MYO16: variants seen among roughly 807,000 people sequenced by gnomAD.
MYO16 encodes the protein unconventional myosin-XVI.
In MYO16, 94 loss-of-function variants were observed where a neutral mutation model predicts 205.3. That is an observed-to-expected ratio of 0.46 (90% CI 0.39 to 0.54). The LOEUF is 0.54. Ranked by LOEUF, MYO16 falls within the 20% of genes least tolerant of loss-of-function variation. MYO16 has a pLI of 0.00. For missense variants in MYO16, 2,315 were observed against 2,387.5 expected (o/e 0.97, Z 0.63); for synonymous variants, 988 against 954.0 (o/e 1.04, Z -0.66).
intron 7 of MYO16, among the ~76,000 whole-genome samples, chr13:108,816,800 C>A (rs1380513311): frequency 6.6e-6 from 1 of 152,180 alleles, no homozygotes; most frequent in Non-Finnish European, 1.5e-5. Flanking sequence ...CTTGGTCTCT[C>A]CAGTCGCTGA....
At chr13:108,659,317 C>A (rs149670466) in intron 1 of MYO16, 1 of 285,246 alleles carries the variant, frequency 3.5e-6, no homozygotes, top group South Asian at 3.6e-5. Flanking sequence ...ATATATAATA[C>A]ACATATATAC....
chr13:108,953,144 T>C (rs1566429619), intron 16 of MYO16, among the ~76,000 whole-genome samples: 1 of 152,228 alleles, frequency 6.6e-6, no homozygotes, highest in Non-Finnish European at 1.5e-5. Flanking sequence ...TCAATGATTG[T>C]CAACTTTCAG....
intron 20 of MYO16, among the ~76,000 whole-genome samples, chr13:108,986,716 T>C (rs1884650615): frequency 6.6e-6 from 1 of 152,060 alleles, no homozygotes; most frequent in South Asian, 2.1e-4. Context: ...GATCTGTTAT[T>C]ATGTATACTC....
intron 27 of MYO16, among the ~76,000 whole-genome samples, chr13:109,080,789 C>T (rs66715413): frequency 0.067 from 10,179 of 152,124 alleles, 387 homozygotes; most frequent in Non-Finnish European, 0.084. Flanking sequence ...TTAAAAATTA[C>T]CTTTCACTTA....
At chr13:108,658,163 T>C (rs1326030918) in intron 1 of MYO16, among the ~76,000 whole-genome samples, 1 of 152,180 alleles carries the variant, frequency 6.6e-6, no homozygotes, top group South Asian at 2.1e-4. Context: ...ATCTCTGCCT[T>C]AAAGACAGGT....
At position 108,692,272 on chromosome 13, in the gene MYO16, AC is replaced by A. The variant is rs1181079521; in HGVS notation, c.293-20388del. 2.0e-5 allele frequency among the ~76,000 whole-genome samples: 3 copies of A among 152,232 alleles called. No homozygotes were observed. The East Asian group carries it at 5.8e-4, about 29-fold the overall frequency. ...TTCTATTTCCTTGATTTTTCATGAA[AC>A]AGAAATGTCCTCAGCACTTTTGAAA... On this transcript the variant is annotated intron_variant, in intron 2 of 34. Transcript: ENST00000457511.
intron 16 of MYO16, among the ~76,000 whole-genome samples, chr13:108,955,397 C>G (rs935282510): frequency 6.6e-6 from 1 of 152,156 alleles, no homozygotes; most frequent in Non-Finnish European, 1.5e-5. Context: ...GATTGTTCTT[C>G]CACCATCAGC....
At chr13:109,063,398 A>G (rs1487699126) in intron 27 of MYO16, among the ~76,000 whole-genome samples, 1 of 152,212 alleles carries the variant, frequency 6.6e-6, no homozygotes, top group Non-Finnish European at 1.5e-5. Context: ...AGGAGGAACA[A>G]TAAAAGAAGC....
At chr13:109,102,530 GAGAT>G (rs1889005171) in intron 28 of MYO16, among the ~76,000 whole-genome samples, 2 of 151,952 alleles carry the variant, frequency 1.3e-5, no homozygotes, top group African/African-American at 2.4e-5. Flanking sequence ...ATATATCTGT[GAGAT>G]AGATGTATGT....
At chr13:109,114,433 G>T (rs762095504) in intron 28 of MYO16, among the ~76,000 whole-genome samples, 47 of 152,146 alleles carry the variant, frequency 3.1e-4, no homozygotes, top group Non-Finnish European at 5.6e-4. Flanking sequence ...CTTATCTCTG[G>T]CACTAACTTT....
chr13:108,929,646 T>C (rs868107877), intron 16 of MYO16, among the ~76,000 whole-genome samples: 5 of 152,176 alleles, frequency 3.3e-5, no homozygotes, highest in Admixed American at 6.5e-5. Context: ...TTCTGGAACC[T>C]AGTGGGTGGA....
At chr13:108,645,372 T>A (rs573560234) in intron 1 of MYO16, among the ~76,000 whole-genome samples, 4 of 152,320 alleles carry the variant, frequency 2.6e-5, no homozygotes, top group African/African-American at 9.6e-5. Context: ...CCCCAGTGTC[T>A]ACGATAGTTT....
chr13:108,978,428 A>G (rs1373297264), intron 20 of MYO16, among the ~76,000 whole-genome samples: 1 of 152,074 alleles, frequency 6.6e-6, no homozygotes, highest in Non-Finnish European at 1.5e-5. Context: ...TAGTGTTTTC[A>G]ATCATGGATG....
chr13:108,973,502 A>G (rs1884130711), intron 20 of MYO16, among the ~76,000 whole-genome samples: 1 of 152,180 alleles, frequency 6.6e-6, no homozygotes, highest in African/African-American at 2.4e-5. Flanking sequence ...ATTATTTTTA[A>G]GCCAATGTGA....
At chr13:108,657,751 G>A (rs1341988910) in intron 1 of MYO16, among the ~76,000 whole-genome samples, 2 of 152,100 alleles carry the variant, frequency 1.3e-5, no homozygotes, top group East Asian at 3.9e-4. Context: ...GTTTCTCTAT[G>A]TAGCTAACAG....
At chr13:108,730,409 CG>C (rs1884483561) in intron 4 of MYO16, among the ~76,000 whole-genome samples, 2 of 152,034 alleles carry the variant, frequency 1.3e-5, no homozygotes, top group Admixed American at 1.3e-4. Flanking sequence ...TTCATAGCAG[CG>C]TGAGAACAGG....
chr13:108,797,501 G>A (rs536403263), intron 6 of MYO16, among the ~76,000 whole-genome samples: 5 of 152,154 alleles, frequency 3.3e-5, no homozygotes, highest in African/African-American at 4.8e-5. Context: ...AAATGTCCTC[G>A]GAACCAAGTG....
At chr13:108,848,486 C>T (rs975014913) in intron 10 of MYO16, among the ~76,000 whole-genome samples, 12 of 152,284 alleles carry the variant, frequency 7.9e-5, no homozygotes, top group Middle Eastern at 6.8e-3. Flanking sequence ...AACTGAATTT[C>T]AAGCTGACCA....
intron 16 of MYO16, among the ~76,000 whole-genome samples, chr13:108,955,324 TG>T (rs1883307066): frequency 6.6e-6 from 1 of 152,172 alleles, no homozygotes; most frequent in African/African-American, 2.4e-5. Context: ...TGTGGTTTTT[TG>T]GTGCTTCTAT....
Sources: gnomAD v4.1 joint callset for allele counts (sites outside exome capture counted in the v4.1 genomes callset) on GRCh38, gnomAD v4.1.1 for gene constraint, MANE v1.5 for transcripts, NCBI Gene and HGNC (gene_info 2026-07-23, HGNC 2026-07-21) for gene names.